The following LINGO2 variants were observed in gnomAD, a reference collection of about 807,000 sequenced individuals.
LINGO2 encodes the protein leucine rich repeat and Ig domain containing 2.
A neutral mutation model predicts 30.6 loss-of-function variants in LINGO2; 14 were observed. The observed-to-expected ratio is 0.46, with a 90% CI of 0.30 to 0.72. LINGO2 has a LOEUF of 0.72. Ranked by LOEUF, LINGO2 falls within the 30% of genes least tolerant of loss-of-function variation. The pLI, the probability that LINGO2 is intolerant of heterozygous loss-of-function variation, is 0.07. For synonymous variants in LINGO2, 317 were observed against 288.5 expected (o/e 1.10, Z -1.00); for missense variants, 729 against 751.7 (o/e 0.97, Z 0.35).
At chr9:28,223,836 G>C (rs1298866495) in intron 4 of LINGO2, among the ~76,000 whole-genome samples, 1 of 152,122 alleles carries the variant, frequency 6.6e-6, no homozygotes, top group Non-Finnish European at 1.5e-5. Flanking sequence ...GATGCATATT[G>C]AAATACCATT....
chr9:28,663,717 C>T (rs1158390451), intron 1 of LINGO2, among the ~76,000 whole-genome samples: 2 of 152,032 alleles, frequency 1.3e-5, no homozygotes, highest in Non-Finnish European at 2.9e-5. Flanking sequence ...ATATAAAGAA[C>T]ACATAAACCA....
chr9:28,188,704 A>G (rs932109986), intron 4 of LINGO2, among the ~76,000 whole-genome samples: 2 of 152,184 alleles, frequency 1.3e-5, no homozygotes, highest in African/African-American at 4.8e-5. Context: ...TGACAAGCCA[A>G]GGAAAATGCA....
intron 3 of LINGO2, among the ~76,000 whole-genome samples, chr9:28,345,363 A>C (rs1408444477): frequency 6.6e-6 from 1 of 152,154 alleles, no homozygotes. Flanking sequence ...TGAGACACTA[A>C]GGGTATCATG....
At chr9:28,503,942 TGAGTATGAAGACA>T (rs1344623358) in intron 1 of LINGO2, among the ~76,000 whole-genome samples, 1 of 151,828 alleles carries the variant, frequency 6.6e-6, no homozygotes, top group East Asian at 1.9e-4. Context: ...AAAACATGAT[TGAGTATGAAGACA>T]GTTTTGGGGG....
chr9:28,234,237 A>G (rs1020310921), intron 4 of LINGO2, among the ~76,000 whole-genome samples: 2 of 152,142 alleles, frequency 1.3e-5, no homozygotes, highest in African/African-American at 2.4e-5. Flanking sequence ...GCCTGGCAGC[A>G]TTCACCACAA....
intron 4 of LINGO2, among the ~76,000 whole-genome samples, chr9:28,053,356 C>CAA: frequency 6.6e-6 from 1 of 151,900 alleles, no homozygotes; most frequent in South Asian, 2.1e-4. Flanking sequence ...TCGTAAGAGA[C>CAA]AAAACTAGAA....
chr9:28,889,914 G>C, the LINGO2 span, among the ~76,000 whole-genome samples: 1 of 151,944 alleles, frequency 6.6e-6, no homozygotes, highest in African/African-American at 2.4e-5. Context: ...GCCTATGTTA[G>C]TTTGTTCAAA....
intron 1 of LINGO2, among the ~76,000 whole-genome samples, chr9:28,659,249 A>T (rs1828488718): frequency 1.3e-5 from 2 of 152,200 alleles, no homozygotes; most frequent in African/African-American, 4.8e-5. Context: ...AATATTTTAC[A>T]GAATTGAGGA....
At chr9:29,148,469 CT>C in the LINGO2 span, among the ~76,000 whole-genome samples, 1 of 152,130 alleles carries the variant, frequency 6.6e-6, no homozygotes, top group Non-Finnish European at 1.5e-5. Flanking sequence ...CTTTTGGTGT[CT>C]ATGATTATAG....
At chr9:27,962,882 A>G (rs1563860257) in intron 5 of LINGO2, among the ~76,000 whole-genome samples, 1 of 152,212 alleles carries the variant, frequency 6.6e-6, no homozygotes, top group African/African-American at 2.4e-5. Context: ...GGGATTCTCA[A>G]GCACAATGAT....
chr9:28,838,279 TA>T, the LINGO2 span, among the ~76,000 whole-genome samples: 1 of 152,298 alleles, frequency 6.6e-6, no homozygotes, highest in African/African-American at 2.4e-5. Context: ...GCCAAAAATT[TA>T]AACCAGTGCC....
the LINGO2 span, among the ~76,000 whole-genome samples, chr9:29,018,091 T>TTATATATA: frequency 0.018 from 418 of 23,216 alleles, 1 homozygote; most frequent in African/African-American, 0.031. Context: ...AATATACATT[T>TTATATATA]TATATATATA....
chr9:28,636,141 A>G (rs1388785283), intron 1 of LINGO2, among the ~76,000 whole-genome samples: 1 of 152,144 alleles, frequency 6.6e-6, no homozygotes, highest in Non-Finnish European at 1.5e-5. Context: ...ATGTCCCTAC[A>G]AAGGACATGA....
the LINGO2 span, among the ~76,000 whole-genome samples, chr9:28,771,668 A>C: frequency 6.6e-6 from 1 of 152,170 alleles, no homozygotes; most frequent in African/African-American, 2.4e-5. Context: ...ATAATAAAAT[A>C]TCTAATATTC....
At chr9:28,999,742 G>A in the LINGO2 span, among the ~76,000 whole-genome samples, 1 of 151,988 alleles carries the variant, frequency 6.6e-6, no homozygotes, top group East Asian at 1.9e-4. Context: ...AATTTTACCG[G>A]TGAGTGTATA....
At chr9:28,303,480 A>T (rs1040772647) in intron 3 of LINGO2, among the ~76,000 whole-genome samples, 22 of 152,092 alleles carry the variant, frequency 1.4e-4, no homozygotes, top group African/African-American at 5.1e-4. Context: ...CAACATGTGG[A>T]TTAGGAACAC....
intron 4 of LINGO2, among the ~76,000 whole-genome samples, chr9:28,167,427 C>A (rs1216880650): frequency 1.3e-5 from 2 of 152,226 alleles, no homozygotes; most frequent in Non-Finnish European, 2.9e-5. Flanking sequence ...GTTGCCCCAG[C>A]TATAGTGCAG....
At chr9:28,769,865 C>T in the LINGO2 span, among the ~76,000 whole-genome samples, 21 of 151,820 alleles carry the variant, frequency 1.4e-4, no homozygotes, top group African/African-American at 5.1e-4. Context: ...TAAGTTTGTA[C>T]AGGCTGTGCT....
At chr9:28,324,062 A>T (rs911631448) in intron 3 of LINGO2, among the ~76,000 whole-genome samples, 2 of 152,112 alleles carry the variant, frequency 1.3e-5, no homozygotes, top group South Asian at 4.1e-4. Context: ...TGTTATACTG[A>T]GGAAATTATT....
Sources: gnomAD v4.1 joint callset for allele counts (sites outside exome capture counted in the v4.1 genomes callset) on GRCh38, gnomAD v4.1.1 for gene constraint, MANE v1.5 for transcripts, NCBI Gene and HGNC (gene_info 2026-07-23, HGNC 2026-07-21) for gene names.